CNST: variants seen among roughly 807,000 people sequenced by gnomAD.
The protein encoded by CNST is consortin.
CNST carries 39 observed loss-of-function variants against 72.4 expected under a neutral mutation model. The observed-to-expected ratio is 0.54, with a 90% CI of 0.42 to 0.70. CNST has a LOEUF of 0.70. Among genes scored for constraint, CNST ranks in the 30% least tolerant of loss-of-function variants. The pLI, the probability that CNST is intolerant of heterozygous loss-of-function variation, is 0.00. For missense variants in CNST, 871 were observed against 868.5 expected (o/e 1.00, Z -0.04); for synonymous variants, 332 against 320.1 (o/e 1.04, Z -0.40).
At chr1:246,568,580 G>C (rs1392909071) in intron 1 of CNST, among the ~76,000 whole-genome samples, 2 of 152,072 alleles carry the variant, frequency 1.3e-5, no homozygotes, top group Non-Finnish European at 2.9e-5. Flanking sequence ...ATCCTATGCT[G>C]TTTTTGCCTT....
intron 1 of CNST, among the ~76,000 whole-genome samples, chr1:246,581,383 C>T (rs1660773516): frequency 6.6e-6 from 1 of 152,204 alleles, no homozygotes; most frequent in African/African-American, 2.4e-5. Flanking sequence ...CCTGCCTCAG[C>T]CTCCCGAGTA....
chr1:246,638,231 A>G (rs1410289003), intron 6 of CNST, among the ~76,000 whole-genome samples: 7 of 152,086 alleles, frequency 4.6e-5, no homozygotes, highest in African/African-American at 7.2e-5. Context: ...GAGGTTCTGG[A>G]CCTGGAAGTC....
chr1:246,636,123 C>G (rs1665216729), intron 6 of CNST, among the ~76,000 whole-genome samples: 1 of 152,100 alleles, frequency 6.6e-6, no homozygotes, highest in Non-Finnish European at 1.5e-5. Context: ...AGTTCCAGGC[C>G]TTTTTTGACA....
chr1:246,653,290 A>G (rs1666589279), intron 9 of CNST, among the ~76,000 whole-genome samples: 1 of 152,216 alleles, frequency 6.6e-6, no homozygotes, highest in Non-Finnish European at 1.5e-5. Flanking sequence ...GATCACTGGG[A>G]TCAGGGAAGT....
chr1:246,596,695 C>T (rs1346705812), intron 2 of CNST, among the ~76,000 whole-genome samples: 2 of 152,190 alleles, frequency 1.3e-5, no homozygotes, highest in East Asian at 1.9e-4. Flanking sequence ...CCACACAAAG[C>T]AGCCACTTAC....
At chr1:246,655,798 C>T (rs1666740122) in intron 9 of CNST, among the ~76,000 whole-genome samples, 2 of 152,118 alleles carry the variant, frequency 1.3e-5, no homozygotes, top group African/African-American at 4.8e-5. Flanking sequence ...TTACTCAAGC[C>T]CTTGAAGCTT....
chr1:246,593,909 T>A (rs2103028932), intron 2 of CNST, among the ~76,000 whole-genome samples: 1 of 152,258 alleles, frequency 6.6e-6, no homozygotes, highest in Non-Finnish European at 1.5e-5. Context: ...ACAACAGGCA[T>A]GTGCTACCAT....
At chr1:246,583,976 G>A (rs1290320088) in intron 1 of CNST, among the ~76,000 whole-genome samples, 1 of 152,156 alleles carries the variant, frequency 6.6e-6, no homozygotes, top group Non-Finnish European at 1.5e-5. Flanking sequence ...AGGTCTTGCT[G>A]TGTTTCCCAG....
intron 1 of CNST, among the ~76,000 whole-genome samples, chr1:246,580,973 AAGT>A (rs1660745389): frequency 6.6e-6 from 1 of 152,102 alleles, no homozygotes; most frequent in Non-Finnish European, 1.5e-5. Context: ...TCCTGACCTC[AAGT>A]GATCCCCCCA....
intron 1 of CNST, among the ~76,000 whole-genome samples, chr1:246,586,907 T>C (rs937592804): frequency 6.6e-5 from 10 of 152,192 alleles, no homozygotes; most frequent in Non-Finnish European, 1.3e-4. Flanking sequence ...AAAAGTAATT[T>C]AAAAATGATT....
rs939894910 is a variant in CNST at position 246,608,733 on chromosome 1, G to A, written c.380-12696G>A. Among the ~76,000 whole-genome samples the A allele has an allele frequency of 4.6e-5, 7 of 152,104 alleles. No individual in the cohort carries two copies. The South Asian group carries it at 6.2e-4, about 14-fold the overall frequency. On this transcript the variant is annotated intron_variant, in intron 2 of 10. Transcript: ENST00000366513. ...AGCCTAAGGGAGCTCTTGTTCCCAC[G>A]CATTTTTCAAATTCCACTGGAGTTT...
intron 1 of CNST, among the ~76,000 whole-genome samples, chr1:246,586,440 G>A (rs1661206455): frequency 1.4e-5 from 2 of 147,514 alleles, no homozygotes; most frequent in Non-Finnish European, 3.0e-5. Context: ...TGATATATAT[G>A]CAAGCTATAT....
chr1:246,623,199 A>G (rs1201861639), intron 3 of CNST, among the ~76,000 whole-genome samples: 3 of 152,238 alleles, frequency 2.0e-5, no homozygotes, highest in African/African-American at 7.2e-5. Context: ...TGTAATGAGA[A>G]GTGAATAATT....
At chr1:246,635,066 A>T (rs1213617419) in intron 6 of CNST, among the ~76,000 whole-genome samples, 1 of 151,796 alleles carries the variant, frequency 6.6e-6, no homozygotes, top group African/African-American at 2.4e-5. Context: ...ACTGGGTCTG[A>T]GGAGGGAGGA....
At position 246,577,912 on chromosome 1, in the gene CNST, C is replaced by T. The variant is rs555477168; in HGVS notation, c.-52+11249C>T. Among the ~76,000 whole-genome samples the T allele has an allele frequency of 4.7e-4, 72 of 152,172 alleles. 1 individual carries two copies. The highest frequency in any genetic ancestry group is 1.7e-3 in the African/African-American group (70 of 41,458). On this transcript the variant is annotated intron_variant, in intron 1 of 10. Coordinates refer to ENST00000366513, the MANE Select transcript of CNST (RefSeq NM_152609.3). ...CGTCCCTGTATTAATCTTTCACTGACAAAAATATCCTCTGTTCTCAAGTTT... is the reference window on the plus strand; with the variant it reads ...CGTCCCTGTATTAATCTTTCACTGATAAAAATATCCTCTGTTCTCAAGTTT...
chr1:246,588,368 G>A (rs1342041909), intron 1 of CNST, among the ~76,000 whole-genome samples: 1 of 152,040 alleles, frequency 6.6e-6, no homozygotes, highest in Non-Finnish European at 1.5e-5. Flanking sequence ...AAATAAGGAG[G>A]TAAAAATTAA....
intron 9 of CNST, among the ~76,000 whole-genome samples, chr1:246,652,126 G>A (rs1392710208): frequency 6.6e-6 from 1 of 152,186 alleles, no homozygotes; most frequent in African/African-American, 2.4e-5. Context: ...GATGATTTTA[G>A]TGTCAGAACC....
intron 2 of CNST, among the ~76,000 whole-genome samples, chr1:246,601,284 C>T (rs1662273331): frequency 6.6e-6 from 1 of 151,978 alleles, no homozygotes; most frequent in Non-Finnish European, 1.5e-5. Flanking sequence ...CATCCTGTGA[C>T]AGAATGAGAC....
At position 246,568,145 on chromosome 1, in the gene CNST, A is replaced by C. The variant is rs1659841671; in HGVS notation, c.-52+1482A>C. Among the ~76,000 whole-genome samples, 4 of 152,338 alleles carry C rather than the reference A, an allele frequency of 2.6e-5. No homozygotes were observed. The South Asian group carries it at 8.3e-4, about 32-fold the overall frequency. ...GACTCTGTCTCCTTAAAAAAAAAGA[A>C]AGAAAGAAAAAGAGAAAAAGAAAAA... On this transcript the variant is annotated intron_variant, in intron 1 of 10. Coordinates refer to ENST00000366513, the MANE Select transcript of CNST (RefSeq NM_152609.3).
Sources: gnomAD v4.1 joint callset for allele counts (sites outside exome capture counted in the v4.1 genomes callset) on GRCh38, gnomAD v4.1.1 for gene constraint, MANE v1.5 for transcripts, NCBI Gene and HGNC (gene_info 2026-07-23, HGNC 2026-07-21) for gene names.